Variants in DOCK7 observed in about 807,000 individuals in gnomAD.
The protein encoded by DOCK7 is dedicator of cytokinesis protein 7.
A neutral mutation model predicts 271.0 loss-of-function variants in DOCK7; 138 were observed. The ratio of observed to expected loss-of-function variants is 0.51; its 90% CI spans 0.44 to 0.59. The LOEUF is 0.59. Among genes scored for constraint, DOCK7 ranks in the 20% least tolerant of loss-of-function variants. The pLI, the probability that DOCK7 is intolerant of heterozygous loss-of-function variation, is 0.00. For synonymous variants in DOCK7, 823 were observed against 876.1 expected (o/e 0.94, Z 1.07); for missense variants, 2,066 against 2,592.4 (o/e 0.80, Z 4.41).
chr1:62,513,387 G>C, intron 33 of DOCK7, 57 bp downstream of exon 33: 1 of 1,492,260 alleles, frequency 6.7e-7, no homozygotes, highest in Non-Finnish European at 9.0e-7. Flanking sequence ...TGACATTGAA[G>C]ACTAGCAACA....
At position 62,465,507 on chromosome 1, in the gene DOCK7, G is replaced by A. The variant is rs563740469; in HGVS notation, c.6213-7802C>T. 6.2e-4 allele frequency among the ~76,000 whole-genome samples: 94 copies of A among 151,762 alleles called. No homozygotes were observed. In the South Asian group the frequency reaches 6.6e-3, roughly 11 times the overall value. On this transcript the variant is annotated intron_variant, in intron 48 of 49. Transcript: ENST00000635253. ...AAAAAAAAAAAAAATTTGTAAGCCC[G>A]TAGGCATGAAAACCTTGCACTTTTT...
chr1:62,541,748 T>C (rs912223215), intron 25 of DOCK7, among the ~76,000 whole-genome samples: 1 of 152,182 alleles, frequency 6.6e-6, no homozygotes, highest in Non-Finnish European at 1.5e-5. Context: ...AGATTTTGAC[T>C]GTGTGGGGGA....
intron 7 of DOCK7, among the ~76,000 whole-genome samples, chr1:62,637,609 A>G (rs1238823187): frequency 6.6e-6 from 1 of 152,218 alleles, no homozygotes; most frequent in Non-Finnish European, 1.5e-5. Flanking sequence ...CCTGCTCCAC[A>G]TTGCATGGTA....
chr1:62,526,906 T>C (rs562676669), intron 31 of DOCK7, among the ~76,000 whole-genome samples: 504 of 152,314 alleles, frequency 3.3e-3, no homozygotes, highest in African/African-American at 0.011. Context: ...AGTCACTCTC[T>C]AGTGCTGGGG....
At chr1:62,584,997 C>A (rs2149495818) in intron 15 of DOCK7, 2 of 492,840 alleles carry the variant, frequency 4.1e-6, no homozygotes, top group East Asian at 6.5e-5. Flanking sequence ...TGGCAACTCA[C>A]ACATAGGCTG....
intron 1 of DOCK7, among the ~76,000 whole-genome samples, chr1:62,666,697 G>A (rs1373636988): frequency 6.6e-6 from 1 of 152,164 alleles, no homozygotes; most frequent in Non-Finnish European, 1.5e-5. Context: ...CTTTATCAGA[G>A]GTTACTTTTT....
chr1:62,621,246 C>G (rs1653197056), intron 12 of DOCK7, among the ~76,000 whole-genome samples: 1 of 151,944 alleles, frequency 6.6e-6, no homozygotes, highest in South Asian at 2.1e-4. Flanking sequence ...ATACTAAGGC[C>G]AGAAAGAAAA....
At chr1:62,647,650 C>A in intron 7 of DOCK7, 41 bp downstream of exon 7, 2 of 1,430,526 alleles carry the variant, frequency 1.4e-6, no homozygotes, top group South Asian at 2.5e-5. Context: ...AAATTTTATC[C>A]TGGAAAATAA....
intron 14 of DOCK7, among the ~76,000 whole-genome samples, chr1:62,591,502 A>C (rs190227129): frequency 1.3e-5 from 2 of 152,302 alleles, no homozygotes; most frequent in Admixed American, 6.5e-5. Flanking sequence ...AAGTTTAAAA[A>C]AAGTATTAAT....
At chr1:62,601,193 G>C (rs1650064980) in intron 14 of DOCK7, 1 of 1,587,246 alleles carries the variant, frequency 6.3e-7, no homozygotes, top group African/African-American at 1.3e-5. Context: ...TGTAAAACAT[G>C]ATGGTAAGAC....
chr1:62,504,728 T>C lies in DOCK7; in HGVS notation c.4666A>G (p.Arg1556Gly). 1 of 1,614,148 alleles carries C rather than the reference T, an allele frequency of 6.2e-7. No homozygotes were observed. The highest frequency in any genetic ancestry group is 8.5e-7 in the Non-Finnish European group (1 of 1,180,006). The change falls in exon 37 of 50, where the codon AGG becomes GGG. Residue 1556 changes from arginine (R) to glycine (G), a missense_variant. By Grantham distance (125) the Arg-to-Gly change is moderately radical. This residue lies in a region of DOCK7 where 652 missense variants were observed against 922.1 expected (regional missense o/e 0.71). Coordinates refer to ENST00000635253, the MANE Select transcript of DOCK7 (RefSeq NM_001367561.1). ...ETEQCADLCL[R>G]LLRHCSSSIG... ...CTACTGCTACAGTGTCGGAGAAGCC[T>C]GAGGCATAAATCAGCACACTGCTCT...
In DOCK7 at chr1:62,474,025, G is replaced by A; in HGVS notation, c.6169C>T (p.His2057Tyr). The A allele has an allele frequency of 6.2e-7, 1 of 1,614,012 alleles. No homozygotes were observed. The highest frequency in any genetic ancestry group is 8.5e-7 in the Non-Finnish European group (1 of 1,179,948). Residue 2057 changes from histidine to tyrosine, a missense_variant, in exon 48 of 50, where the codon CAT (histidine) becomes TAT (tyrosine). By Grantham distance (83) the His-to-Tyr change is moderately conservative. Coordinates refer to ENST00000635253, the MANE Select transcript of DOCK7 (RefSeq NM_001367561.1). ...AAGCAGAGTCGCAGTTTATTATGAT[G>A]TCTGAAGAGCTTTGGGTCACTAGGT... is the stretch of plus-strand genomic sequence containing the variant. Reference protein sequence around the residue: ...EIPSDPKLFRHHNKLRLCFKD... With the variant: ...EIPSDPKLFRYHNKLRLCFKD...
chr1:62,621,111 G>A (rs2149592566), intron 12 of DOCK7, among the ~76,000 whole-genome samples: 1 of 151,986 alleles, frequency 6.6e-6, no homozygotes, highest in South Asian at 2.1e-4. Flanking sequence ...AGGTGAGGAG[G>A]AGAAGAAGGA....
intron 48 of DOCK7, chr1:62,457,907 T>C (rs1645394627): frequency 6.0e-6 from 3 of 503,986 alleles, no homozygotes; most frequent in South Asian, 3.2e-5. Context: ...CCCAGCACTT[T>C]GGGAGGTCAA....
intron 1 of DOCK7, 148 bp downstream of exon 1, chr1:62,688,079 C>A (rs1044785661): frequency 3.8e-6 from 4 of 1,056,286 alleles, no homozygotes; most frequent in Non-Finnish European, 4.7e-6. Context: ...CTCAGCCACC[C>A]CGAACCCCTT....
chr1:62,613,593 C>G (rs985999764), intron 14 of DOCK7, among the ~76,000 whole-genome samples: 1 of 152,092 alleles, frequency 6.6e-6, no homozygotes, highest in Non-Finnish European at 1.5e-5. Context: ...CCTCTTTAGA[C>G]AGCTTTCTCT....
intron 14 of DOCK7, among the ~76,000 whole-genome samples, chr1:62,610,160 T>C (rs1459100189): frequency 6.6e-6 from 1 of 152,170 alleles, no homozygotes; most frequent in African/African-American, 2.4e-5. Context: ...ACTCAGTTTT[T>C]ATAGTTAAAA....
chr1:62,463,114 AG>A (rs1645578145), intron 48 of DOCK7, among the ~76,000 whole-genome samples: 3 of 152,166 alleles, frequency 2.0e-5, no homozygotes, highest in Non-Finnish European at 4.4e-5. Context: ...CTTAGAAATC[AG>A]TAAGGAAAAG....
At chr1:62,617,723 C>T (rs1257101490) in intron 14 of DOCK7, among the ~76,000 whole-genome samples, 1 of 151,566 alleles carries the variant, frequency 6.6e-6, no homozygotes, top group Middle Eastern at 3.4e-3. Context: ...TTAACTTTAC[C>T]TGTTTCTTTT....
Sources: gnomAD v4.1 joint callset for allele counts (sites outside exome capture counted in the v4.1 genomes callset) on GRCh38, gnomAD v4.1.1 for gene constraint, gnomAD v4.1.1 regional missense constraint, MANE v1.5 for transcripts, NCBI Gene and HGNC (gene_info 2026-07-23, HGNC 2026-07-21) for gene names.